The following PC variants were observed in gnomAD, a reference collection of about 807,000 sequenced individuals.
PC encodes the protein pyruvate carboxylase, mitochondrial.
PC carries 46 observed loss-of-function variants against 107.8 expected under a neutral mutation model. The observed-to-expected ratio is 0.43, with a 90% CI of 0.34 to 0.55. The LOEUF (loss-of-function observed/expected upper bound fraction) is 0.55. Ranked by LOEUF, PC falls within the 20% of genes least tolerant of loss-of-function variation. PC has a pLI of 0.04. For missense variants in PC, 1,241 were observed against 1,643.1 expected (o/e 0.76, Z 4.23); for synonymous variants, 662 against 684.7 (o/e 0.97, Z 0.52).
intron 3 of PC, among the ~76,000 whole-genome samples, chr11:66,890,965 A>G (rs1947553852): frequency 6.6e-6 from 1 of 152,104 alleles, no homozygotes; most frequent in Non-Finnish European, 1.5e-5. Flanking sequence ...AAAATGAATA[A>G]CTTTGACCCC....
intron 3 of PC, among the ~76,000 whole-genome samples, chr11:66,873,343 A>AATATATATAT (rs1244411363): frequency 1.7e-5 from 2 of 120,882 alleles, no homozygotes; most frequent in African/African-American, 6.3e-5. Flanking sequence ...ATCTTTAAAA[A>AATATATATAT]ATATATATAT....
chr11:66,877,113 C>T (rs1317919493), intron 3 of PC, among the ~76,000 whole-genome samples: 2 of 152,226 alleles, frequency 1.3e-5, no homozygotes, highest in African/African-American at 2.4e-5. Flanking sequence ...CGGCCAGGCG[C>T]GGTGGCTCAC....
At chr11:66,860,576 T>TG in intron 12 of PC, 1 of 700,060 alleles carries the variant, frequency 1.4e-6, no homozygotes, top group Non-Finnish European at 2.6e-6. Flanking sequence ...CCAGGGCCGG[T>TG]GGGGGCAGTC....
intron 3 of PC, among the ~76,000 whole-genome samples, chr11:66,922,553 TAAAAAAA>T (rs1198835228): frequency 1.8e-4 from 15 of 84,362 alleles, no homozygotes; most frequent in Non-Finnish European, 7.0e-5. Context: ...GACTTTGTCT[TAAAAAAA>T]AAAAAAAAAA....
intron 3 of PC, among the ~76,000 whole-genome samples, chr11:66,887,654 C>G (rs1011814152): frequency 6.6e-6 from 1 of 152,192 alleles, no homozygotes; most frequent in Admixed American, 6.5e-5. Flanking sequence ...CTGGGACTCC[C>G]GGAAGGGGAG....
At position 66,871,965 on chromosome 11, in the gene PC, A is replaced by G; in HGVS notation, c.136+59T>C. ...CAGGGCCTGGGGCAGTGAGTGGGAG[A>G]AGAATGCCAAGGCTGGGGCGGCCAT... On this transcript the variant is annotated intron_variant, in intron 4 of 22. Transcript: ENST00000393960. This position sits in a 1 kb window ranked among gnomAD's most constrained non-coding sequence, Gnocchi z 7.4. 1 of 1,562,128 alleles carries G rather than the reference A, an allele frequency of 6.4e-7. No individual in the cohort carries two copies. The highest frequency in any genetic ancestry group is 1.2e-5 in the South Asian group (1 of 85,242).
intron 3 of PC, among the ~76,000 whole-genome samples, chr11:66,913,662 CA>C (rs11345088): frequency 0.96 from 123,831 of 129,096 alleles, 59,344 homozygotes; most frequent in East Asian, 0.99. Context: ...AACTCTGTCT[CA>C]AAAAAAAAAA....
rs1946698220 is a variant in PC at position 66,870,829 on chromosome 11, G to T, written c.697C>A (p.Leu233Met). The T allele has an allele frequency of 6.2e-7, 1 of 1,613,664 alleles. No individual in the cohort carries two copies. The highest frequency in any genetic ancestry group is 8.5e-7 in the Non-Finnish European group (1 of 1,179,988). Residue 233 changes from leucine (L) to methionine (M), a missense_variant, in exon 8 of 23, where the codon CTG becomes ATG. Transcript: ENST00000393960. The surrounding 1 kb of genome is among the most constrained non-coding windows in gnomAD (Gnocchi z 6.1). Reference protein sequence around the residue: ...EALAAFGNGALFVEKFIEKPR... With the variant: ...EALAAFGNGAMFVEKFIEKPR... ...TTCTCGATGAACTTCTCCACAAACA[G>T]CGCCCCATTCCCAAAGGCGGCCAGA...
chr11:66,899,137 T>C (rs375842619), intron 3 of PC, among the ~76,000 whole-genome samples: 3 of 152,170 alleles, frequency 2.0e-5, no homozygotes, highest in South Asian at 4.1e-4. Flanking sequence ...CCCAAAGTGC[T>C]GGGATTACAG....
At chr11:66,865,202 A>G (rs774886643) in intron 11 of PC, among the ~76,000 whole-genome samples, 32 of 152,210 alleles carry the variant, frequency 2.1e-4, no homozygotes, top group Admixed American at 1.2e-3. Context: ...TCCAGAATCC[A>G]GAGAGCTCTG....
At chr11:66,939,804 C>CAAAAAAAAAAAAAAAAAAAAAAAAAA (rs56761659) in intron 3 of PC, among the ~76,000 whole-genome samples, 1 of 40,162 alleles carries the variant, frequency 2.5e-5, no homozygotes, top group African/African-American at 1.1e-4. Context: ...AACTCCGTCT[C>CAAAAAAAAAAAAAAAAAAAAAAAAAA]AAAAAAAAAA....
chr11:66,949,167 T>A (rs1949378775), intron 3 of PC, among the ~76,000 whole-genome samples: 1 of 150,968 alleles, frequency 6.6e-6, no homozygotes, highest in Non-Finnish European at 1.5e-5. Flanking sequence ...CTAATTTTTG[T>A]ATTTTTAGTA....
intron 3 of PC, chr11:66,919,819 C>T (rs1948551606): frequency 6.6e-6 from 1 of 152,094 alleles, no homozygotes; most frequent in African/African-American, 2.4e-5. Flanking sequence ...TGCCAGAAAG[C>T]CCCATTAAAA....
chr11:66,939,418 G>T (rs1333946976), intron 3 of PC, among the ~76,000 whole-genome samples: 1 of 152,144 alleles, frequency 6.6e-6, no homozygotes, highest in Non-Finnish European at 1.5e-5. Context: ...GGGATAGCAA[G>T]AAACAACTGT....
At chr11:66,897,949 C>T (rs1484973016) in intron 3 of PC, among the ~76,000 whole-genome samples, 1 of 152,148 alleles carries the variant, frequency 6.6e-6, no homozygotes, top group African/African-American at 2.4e-5. Flanking sequence ...CCTCATTTTA[C>T]TGAAAAGAAA....
At chr11:66,853,779 C>T (rs138349582) in intron 12 of PC, among the ~76,000 whole-genome samples, 296 of 152,394 alleles carry the variant, frequency 1.9e-3, no homozygotes, top group South Asian at 3.3e-3. Context: ...AGTCACTCCT[C>T]CCAGCTGAGT....
chr11:66,952,566 T>C (rs1949464115), intron 2 of PC, 98 bp from the exon 3 acceptor site: 1 of 152,160 alleles, frequency 6.6e-6, no homozygotes, highest in Admixed American at 6.5e-5. Context: ...CCCAGAGAAC[T>C]TTTTCAGTCT....
rs753855453 is a variant in PC, at chr11:66,870,274, G to A, written c.903+28C>T. ...TGCCGGCCTGTGAGCACAGGCTCCTGTCCCAACACGGGAAGCCCACCCTTC... is the reference window on the plus strand; with the variant it reads ...TGCCGGCCTGTGAGCACAGGCTCCTATCCCAACACGGGAAGCCCACCCTTC... On this transcript the variant is annotated intron_variant, in intron 9 of 22. Coordinates refer to ENST00000393960, the MANE Select transcript of PC (RefSeq NM_001040716.2). The surrounding 1 kb of genome is among the most constrained non-coding windows in gnomAD (Gnocchi z 6.1). 26 of 1,611,254 alleles carry A rather than the reference G, an allele frequency of 1.6e-5. No individual in the cohort carries two copies. The highest frequency in any genetic ancestry group is 2.0e-5 in the Non-Finnish European group (24 of 1,179,892).
intron 9 of PC, 84 bp from the exon 10 acceptor site, chr11:66,869,048 A>G (rs2135930234): frequency 1.9e-6 from 2 of 1,061,208 alleles, no homozygotes; most frequent in East Asian, 4.8e-5. Context: ...ATTCCGTCCC[A>G]CCCATTGGGT....
Sources: gnomAD v4.1 joint callset for allele counts (sites outside exome capture counted in the v4.1 genomes callset) on GRCh38, gnomAD v4.1.1 for gene constraint, Gnocchi (gnomAD v3.1) non-coding constraint, MANE v1.5 for transcripts, NCBI Gene and HGNC (gene_info 2026-07-23, HGNC 2026-07-21) for gene names.